The following MYO9A variants were observed in gnomAD, a reference collection of about 807,000 sequenced individuals.
MYO9A encodes the protein myosin IXA.
MYO9A carries 103 observed loss-of-function variants against 293.3 expected under a neutral mutation model. The observed-to-expected ratio is 0.35, with a 90% CI of 0.30 to 0.41. The LOEUF (loss-of-function observed/expected upper bound fraction) is 0.41. MYO9A is among the 10% of genes least tolerant of loss of function. The pLI, the probability that MYO9A is intolerant of heterozygous loss-of-function variation, is 1.00. For missense variants in MYO9A, 2,685 were observed against 3,033.0 expected, an observed-to-expected ratio of 0.89 and a Z score of 2.69; for synonymous variants, 1,001 against 1,035.7, an observed-to-expected ratio of 0.97 and a Z score of 0.64.
chr15:71,880,891 G>T (rs2056853598), intron 28 of MYO9A, among the ~76,000 whole-genome samples: 1 of 152,138 alleles, frequency 6.6e-6, no homozygotes, highest in Admixed American at 6.5e-5. Context: ...AAGAAAAGAA[G>T]AGAATATAAA....
intron 15 of MYO9A, among the ~76,000 whole-genome samples, chr15:71,950,959 G>A (rs976643164): frequency 2.0e-5 from 3 of 152,170 alleles, no homozygotes; most frequent in Non-Finnish European, 4.4e-5. Context: ...CTCAATAATA[G>A]TAATCTTACA....
intron 18 of MYO9A, among the ~76,000 whole-genome samples, chr15:71,916,929 T>C (rs1596185858): frequency 6.6e-6 from 1 of 152,236 alleles, no homozygotes; most frequent in South Asian, 2.1e-4. Flanking sequence ...TCATCACAAC[T>C]ATACTAAATG....
At chr15:71,855,003 C>T (rs187565763) in intron 34 of MYO9A, among the ~76,000 whole-genome samples, 10 of 152,248 alleles carry the variant, frequency 6.6e-5, no homozygotes, top group East Asian at 1.9e-4. Context: ...ATAAACTTTA[C>T]GGAAGTTTAA....
In MYO9A at chr15:71,898,437, A is replaced by G. The variant is rs773664257; in HGVS notation, c.4066T>C (p.Phe1356Leu). The G allele has an allele frequency of 6.2e-7, 1 of 1,613,902 alleles. No homozygotes were observed. The highest frequency in any genetic ancestry group is 8.5e-7 in the Non-Finnish European group (1 of 1,180,028). ...SVISDEGDLQ[F>L]PSPKISSSPK... ...CTGCTGGATATCTTAGGTGATGGAA[A>G]CTGCAAGTCTCCTTCATCTGAAATG... Residue 1356 changes from phenylalanine (F) to leucine (L), a missense_variant, in exon 25 of 42, where the codon TTT (phenylalanine) becomes CTT (leucine). Phe to Leu is a conservative substitution (Grantham distance 22). Around this residue, in one of 10 missense-constraint regions of MYO9A, gnomAD observed 1,434 missense variants for 1,497.7 expected, o/e 0.96. Coordinates refer to ENST00000356056, the MANE Select transcript of MYO9A (RefSeq NM_006901.4).
intron 31 of MYO9A, among the ~76,000 whole-genome samples, chr15:71,877,065 C>T (rs2056716161): frequency 6.6e-6 from 1 of 151,946 alleles, no homozygotes; most frequent in African/African-American, 2.4e-5. Flanking sequence ...GGTAGAATAA[C>T]TAAAAATAAA....
intron 19 of MYO9A, among the ~76,000 whole-genome samples, chr15:71,910,076 A>ATATATACACG (rs1567260105): frequency 2.2e-4 from 32 of 148,824 alleles, no homozygotes; most frequent in African/African-American, 7.8e-4. Context: ...CCCCAATTTT[A>ATATATACACG]TATATATACA....
chr15:71,942,105 TATATAC>T lies in MYO9A; in HGVS notation c.2303-3184_2303-3179del, dbSNP rs1447763483. 2.0e-5 allele frequency among the ~76,000 whole-genome samples: 3 copies of T among 152,168 alleles called. No individual in the cohort carries two copies. In the East Asian group the frequency reaches 5.8e-4, roughly 29 times the overall value. ...TCATATAAATTAAATACAATGTGTG[TATATAC>T]ATATACAATGGAACACACCTGAGCA... On this transcript the variant is annotated intron_variant, in intron 15 of 41. Coordinates refer to ENST00000356056, the MANE Select transcript of MYO9A (RefSeq NM_006901.4).
chr15:71,987,274 C>A (rs2076430293), intron 11 of MYO9A, among the ~76,000 whole-genome samples: 1 of 152,184 alleles, frequency 6.6e-6, no homozygotes, highest in African/African-American at 2.4e-5. Context: ...TTAAGTGACA[C>A]ATGACAGTAC....
At chr15:71,847,759 G>A (rs1013782004) in intron 39 of MYO9A, among the ~76,000 whole-genome samples, 3 of 152,106 alleles carry the variant, frequency 2.0e-5, no homozygotes, top group Admixed American at 1.3e-4. Context: ...AATTTCTGGG[G>A]AAAAGATTTA....
At chr15:71,888,580 G>A (rs1346490508) in intron 26 of MYO9A, 1 of 152,294 alleles carries the variant, frequency 6.6e-6, no homozygotes, top group Non-Finnish European at 1.5e-5. Context: ...GATTTTTAAA[G>A]AGCCAAAAGA....
In MYO9A at chr15:71,882,460, C is replaced by T. The variant is rs34772218; in HGVS notation, c.5398+1134G>A. On this transcript the variant is annotated intron_variant, in intron 28 of 41. Coordinates refer to ENST00000356056, the MANE Select transcript of MYO9A (RefSeq NM_006901.4). ...TACTTCTCAAATGTGTTATGCTGCA[C>T]GCCCAGAAAGTTAAAATAAGAGCTA... Among the ~76,000 whole-genome samples, 790 of 152,204 alleles carry T rather than the reference C, an allele frequency of 5.2e-3. 3 individuals are homozygous for T. Among genetic ancestry groups the T allele is most frequent in the Non-Finnish European group, 8.7e-3 (592 of 68,004 alleles).
At chr15:71,932,207 G>T (rs1378461761) in intron 18 of MYO9A, among the ~76,000 whole-genome samples, 1 of 152,160 alleles carries the variant, frequency 6.6e-6, no homozygotes, top group Non-Finnish European at 1.5e-5. Context: ...GCACTACGCT[G>T]AAGAGAGGAA....
intron 2 of MYO9A, among the ~76,000 whole-genome samples, chr15:72,032,901 A>G (rs967342769): frequency 1.3e-5 from 2 of 152,054 alleles, no homozygotes; most frequent in Non-Finnish European, 2.9e-5. Context: ...CCTAGGCTGG[A>G]GTGCAGTGGT....
chr15:72,048,080 G>T (rs1340359770), intron 1 of MYO9A, among the ~76,000 whole-genome samples: 1 of 151,730 alleles, frequency 6.6e-6, no homozygotes, highest in Admixed American at 6.6e-5. Flanking sequence ...CAAACACAGA[G>T]ATTAATACAA....
At position 71,897,719 on chromosome 15, in the gene MYO9A, G is replaced by C; in HGVS notation, c.4784C>G (p.Pro1595Arg). The C allele has an allele frequency of 6.2e-7, 1 of 1,614,078 alleles. No homozygotes were observed. Reference protein sequence around the residue: ...AQKDSSSAHLPPKDRPVTVFF... With the variant: ...AQKDSSSAHLRPKDRPVTVFF... ...CACGGTGACAGGTCGGTCCTTTGGG[G>C]GTAAGTGAGCAGAGGAACTGTCTTT... The change falls in exon 25 of 42, where the codon CCC becomes CGC. Residue 1595 changes from proline to arginine, a missense_variant. Pro to Arg is a moderately radical substitution (Grantham distance 103). Coordinates refer to ENST00000356056, the MANE Select transcript of MYO9A (RefSeq NM_006901.4).
intron 18 of MYO9A, among the ~76,000 whole-genome samples, chr15:71,917,065 A>G (rs2144793460): frequency 1.3e-5 from 2 of 152,316 alleles, no homozygotes; most frequent in Middle Eastern, 3.4e-3. Flanking sequence ...TTCTAATTAC[A>G]TTTAGGGACA....
intron 1 of MYO9A, among the ~76,000 whole-genome samples, chr15:72,101,779 C>A (rs1420144330): frequency 1.4e-5 from 2 of 146,594 alleles, no homozygotes; most frequent in Non-Finnish European, 3.0e-5. Context: ...AGTGAGGAGC[C>A]CCTCTGCCAG....
At chr15:71,869,071 T>A (rs1305328607) in intron 32 of MYO9A, among the ~76,000 whole-genome samples, 2 of 151,858 alleles carry the variant, frequency 1.3e-5, no homozygotes, top group Admixed American at 6.6e-5. Context: ...ATGGAATTTT[T>A]AAAAAATCAC....
At chr15:72,027,919 C>T (rs750798219) in intron 3 of MYO9A, 126 bp from the exon 4 acceptor site, 7 of 672,106 alleles carry the variant, frequency 1.0e-5, no homozygotes, top group South Asian at 4.3e-5. Flanking sequence ...CGCCATTGGC[C>T]GGGCGAGGTG....
Sources: gnomAD v4.1 joint callset for allele counts (sites outside exome capture counted in the v4.1 genomes callset) on GRCh38, gnomAD v4.1.1 for gene constraint, gnomAD v4.1.1 regional missense constraint, MANE v1.5 for transcripts, NCBI Gene and HGNC (gene_info 2026-07-23, HGNC 2026-07-21) for gene names.